Variants in NAA11 observed in about 807,000 individuals in gnomAD.
The protein encoded by NAA11 is N-alpha-acetyltransferase 11, NatA catalytic subunit.
A neutral mutation model predicts 16.1 loss-of-function variants in NAA11; 15 were observed. The ratio of observed to expected loss-of-function variants is 0.93; its 90% CI spans 0.62 to 1.44. The LOEUF (loss-of-function observed/expected upper bound fraction) is 1.44. Among genes scored for constraint, NAA11 ranks in the 40% most tolerant of loss-of-function variants. The probability of loss-of-function intolerance (pLI) is 0.00; values close to 1 mark genes in which losing one functional copy is unlikely to be tolerated. For missense variants in NAA11, 298 were observed against 291.3 expected (o/e 1.02, Z -0.17); for synonymous variants, 122 against 112.4 (o/e 1.09, Z -0.54).
At chr4:79,208,361 A>C in the NAA11 span, among the ~76,000 whole-genome samples, 1 of 152,200 alleles carries the variant, frequency 6.6e-6, no homozygotes, top group Admixed American at 6.6e-5. Context: ...CATAAGACTT[A>C]GCTGCTAGGG....
the NAA11 span, among the ~76,000 whole-genome samples, chr4:79,177,681 T>C: frequency 2.0e-5 from 3 of 152,142 alleles, no homozygotes; most frequent in Admixed American, 6.6e-5. Context: ...GTAATAATAA[T>C]AACAGGTCAG....
At chr4:79,229,470 A>G (rs1721407379) in intron 2 of NAA11, among the ~76,000 whole-genome samples, 1 of 151,938 alleles carries the variant, frequency 6.6e-6, no homozygotes, top group African/African-American at 2.4e-5. Flanking sequence ...ATTAGTTTCA[A>G]AGAGGTTAAG....
At chr4:79,276,909 G>C (rs1722662169) in intron 2 of NAA11, among the ~76,000 whole-genome samples, 1 of 152,084 alleles carries the variant, frequency 6.6e-6, no homozygotes, top group South Asian at 2.1e-4. Flanking sequence ...ATGTAGATTG[G>C]ATAAACTACA....
chr4:79,225,275 AG>A (rs1353459244), downstream of NAA11, among the ~76,000 whole-genome samples: 1 of 151,904 alleles, frequency 6.6e-6, no homozygotes, highest in Non-Finnish European at 1.5e-5. Flanking sequence ...AGTATGCTAG[AG>A]GGGTGGTGGT....
At chr4:79,259,498 C>G (rs1479370691) in intron 2 of NAA11, among the ~76,000 whole-genome samples, 1 of 152,200 alleles carries the variant, frequency 6.6e-6, no homozygotes, top group African/African-American at 2.4e-5. Flanking sequence ...CACACTACCC[C>G]TCACTGCTCC....
At chr4:79,273,399 T>G (rs978679641) in intron 2 of NAA11, among the ~76,000 whole-genome samples, 1 of 152,008 alleles carries the variant, frequency 6.6e-6, no homozygotes, top group African/African-American at 2.4e-5. Flanking sequence ...AGACATAAAT[T>G]CAGGTGCAGC....
chr4:79,211,459 C>T, the NAA11 span, among the ~76,000 whole-genome samples: 1 of 152,136 alleles, frequency 6.6e-6, no homozygotes, highest in Non-Finnish European at 1.5e-5. Context: ...TGGCACTGGG[C>T]ATGTGGATTC....
At chr4:79,169,837 C>T in the NAA11 span, among the ~76,000 whole-genome samples, 1 of 152,174 alleles carries the variant, frequency 6.6e-6, no homozygotes, top group Non-Finnish European at 1.5e-5. Flanking sequence ...CCACCAGGCT[C>T]CACCTTCAAC....
intron 2 of NAA11, among the ~76,000 whole-genome samples, chr4:79,266,906 A>G (rs551899051): frequency 3.9e-5 from 6 of 152,326 alleles, no homozygotes; most frequent in African/African-American, 1.4e-4. Flanking sequence ...CCATTAAACG[A>G]GTAAGGTCTT....
the NAA11 span, among the ~76,000 whole-genome samples, chr4:79,156,728 T>C: frequency 3.3e-5 from 5 of 152,206 alleles, no homozygotes; most frequent in Non-Finnish European, 5.9e-5. Context: ...TAAAATTCAC[T>C]ATCGTACATC....
intron 1 of NAA11, among the ~76,000 whole-genome samples, chr4:79,296,718 TGTTA>T (rs1209118859): frequency 6.6e-6 from 1 of 152,174 alleles, no homozygotes; most frequent in Non-Finnish European, 1.5e-5. Context: ...TCCTAGCCTA[TGTTA>T]GTTCTTGTCT....
chr4:79,193,171 G>C, the NAA11 span, among the ~76,000 whole-genome samples: 6 of 152,140 alleles, frequency 3.9e-5, no homozygotes, highest in Non-Finnish European at 7.3e-5. Flanking sequence ...CCACTCTGTA[G>C]GTTGCCTGTT....
At chr4:79,183,601 T>A in the NAA11 span, among the ~76,000 whole-genome samples, 7 of 152,242 alleles carry the variant, frequency 4.6e-5, no homozygotes, top group East Asian at 1.4e-3. Context: ...TAGGATGCTC[T>A]TGTGTTATAT....
chr4:79,301,955 A>T (rs980212015), intron 1 of NAA11, among the ~76,000 whole-genome samples: 5 of 152,206 alleles, frequency 3.3e-5, no homozygotes, highest in African/African-American at 9.7e-5. Flanking sequence ...GGATGCTAAA[A>T]TGCTTCCATA....
At chr4:79,185,774 T>G in the NAA11 span, among the ~76,000 whole-genome samples, 1 of 151,808 alleles carries the variant, frequency 6.6e-6, no homozygotes, top group South Asian at 2.1e-4. Flanking sequence ...AATTTTGTCA[T>G]AAAAACACAG....
chr4:79,283,271 A>G (rs548438768), intron 2 of NAA11, among the ~76,000 whole-genome samples: 22 of 152,166 alleles, frequency 1.4e-4, no homozygotes, highest in African/African-American at 5.1e-4. Flanking sequence ...AATGTCAAGA[A>G]GTTTTTTTTT....
chr4:79,247,311 C>A (rs772632694), intron 2 of NAA11, among the ~76,000 whole-genome samples: 3 of 152,118 alleles, frequency 2.0e-5, no homozygotes, highest in African/African-American at 4.8e-5. Flanking sequence ...CACATTGAAG[C>A]TTATTTTTTC....
At chr4:79,271,650 GCT>G (rs1722495539) in intron 2 of NAA11, among the ~76,000 whole-genome samples, 1 of 151,954 alleles carries the variant, frequency 6.6e-6, no homozygotes, top group South Asian at 2.1e-4. Flanking sequence ...AAACTAACTC[GCT>G]GTTTCCTAAT....
intron 1 of NAA11, among the ~76,000 whole-genome samples, chr4:79,300,476 G>A (rs1455530592): frequency 6.6e-6 from 1 of 151,930 alleles, no homozygotes; most frequent in East Asian, 1.9e-4. Flanking sequence ...ACAACATGCC[G>A]ATTCAGCAAA....
Sources: gnomAD v4.1 joint callset for allele counts (sites outside exome capture counted in the v4.1 genomes callset) on GRCh38, gnomAD v4.1.1 for gene constraint, MANE v1.5 for transcripts, NCBI Gene and HGNC (gene_info 2026-07-23, HGNC 2026-07-21) for gene names.